The following MYO18B variants were observed in gnomAD, a reference collection of about 807,000 sequenced individuals.
MYO18B encodes the protein unconventional myosin-XVIIIb.
MYO18B carries 204 observed loss-of-function variants against 273.0 expected under a neutral mutation model. That is an observed-to-expected ratio of 0.75 (90% CI 0.67 to 0.84). The LOEUF (loss-of-function observed/expected upper bound fraction) is 0.84, where lower values mean the gene tolerates loss of function less well. MYO18B is among the 40% of genes least tolerant of loss of function. The pLI is 0.00. For synonymous variants in MYO18B, 1,330 were observed against 1,305.7 expected (o/e 1.02, Z -0.40); for missense variants, 3,212 against 3,287.6 (o/e 0.98, Z 0.56).
chr22:26,003,304 A>G lies in MYO18B; in HGVS notation c.6327A>G (p.Lys2109=), dbSNP rs1157158665. ...TAVDCGSSGR[K]EMDNVSILSS... is the part of the protein sequence containing the mutation. ...TGGATTGTGGCAGCAGCGGCCGAAA[A>G]GAGATGTAAGTTAACCCCAGGTAGA... The change falls in exon 41 of 44, where the codon AAA becomes AAG. Residue 2109 remains lysine (K), a synonymous_variant. Transcript: ENST00000335473. 2 of 1,606,660 alleles carry G rather than the reference A, an allele frequency of 1.2e-6. No homozygotes were observed. Among genetic ancestry groups the G allele is most frequent in the Non-Finnish European group, 1.7e-6 (2 of 1,176,738 alleles).
chr22:25,869,465 AAAAAAAAAGAAGGAAG>A (rs1363880971), intron 22 of MYO18B, among the ~76,000 whole-genome samples: 1 of 148,784 alleles, frequency 6.7e-6, no homozygotes. Context: ...AAAAAAAAAA[AAAAAAAAAGAAGGAAG>A]GAAGGAAGGA....
intron 34 of MYO18B, among the ~76,000 whole-genome samples, chr22:25,932,323 A>G (rs1433017799): frequency 6.6e-6 from 1 of 152,128 alleles, no homozygotes; most frequent in Admixed American, 6.6e-5. Context: ...ACAAAATTTA[A>G]TATTGATAAA....
At chr22:25,941,537 G>A (rs938433556) in intron 34 of MYO18B, among the ~76,000 whole-genome samples, 13 of 152,206 alleles carry the variant, frequency 8.5e-5, no homozygotes, top group African/African-American at 2.7e-4. Flanking sequence ...AACATGACTT[G>A]CCACCGACTT....
chr22:25,820,910 C>T (rs921738522), intron 12 of MYO18B, among the ~76,000 whole-genome samples: 46 of 152,212 alleles, frequency 3.0e-4, no homozygotes, highest in Middle Eastern at 3.4e-3. Flanking sequence ...TTAGCTTCCA[C>T]ATATGAATAA....
At chr22:25,852,478 C>A (rs960069959) in intron 21 of MYO18B, among the ~76,000 whole-genome samples, 1 of 152,136 alleles carries the variant, frequency 6.6e-6, no homozygotes, top group South Asian at 2.1e-4. Context: ...CCAACTACAC[C>A]GTAAACTCAT....
chr22:26,033,913 C>CT (rs1569316885), downstream of MYO18B, among the ~76,000 whole-genome samples: 2 of 144,024 alleles, frequency 1.4e-5, no homozygotes, highest in African/African-American at 2.6e-5. Flanking sequence ...CCCTTCCTTC[C>CT]TTCTTTCCTT....
At chr22:26,045,873 G>A in the MYO18B span, among the ~76,000 whole-genome samples, 12 of 152,188 alleles carry the variant, frequency 7.9e-5, no homozygotes, top group Non-Finnish European at 1.8e-4. Context: ...AGTTACCCGT[G>A]TATACCACTG....
At chr22:26,036,454 G>A in the MYO18B span, among the ~76,000 whole-genome samples, 42 of 152,114 alleles carry the variant, frequency 2.8e-4, no homozygotes, top group African/African-American at 9.7e-4. Flanking sequence ...TCCTATCCAT[G>A]TGTTCTATAT....
the MYO18B span, among the ~76,000 whole-genome samples, chr22:26,057,459 C>T: frequency 6.6e-6 from 1 of 151,436 alleles, no homozygotes; most frequent in Non-Finnish European, 1.5e-5. Flanking sequence ...GAAACAGAGG[C>T]ACAGAGGAGT....
downstream of MYO18B, among the ~76,000 whole-genome samples, chr22:26,032,091 C>A (rs949332856): frequency 6.6e-6 from 1 of 152,230 alleles, no homozygotes; most frequent in Non-Finnish European, 1.5e-5. Flanking sequence ...GCAGTGAAAT[C>A]CATCAAGTCA....
chr22:25,852,068 C>G (rs2090442887), intron 21 of MYO18B, among the ~76,000 whole-genome samples: 1 of 152,182 alleles, frequency 6.6e-6, no homozygotes, highest in Non-Finnish European at 1.5e-5. Context: ...GTGTTCCATT[C>G]AGCACCAGCA....
Position 25,772,562 on chromosome 22 carries a change from T to TG in MYO18B, c.1869+58dup, listed in dbSNP as rs59759647. ...CTGAGGGGCTGAGGGCAGGGGGGCC[T>TG]GGGGGGATCCCTCTGCATCTGAGGT... On this transcript the variant is annotated intron_variant, in intron 7 of 43. Coordinates refer to ENST00000335473, the MANE Select transcript of MYO18B (RefSeq NM_032608.7). 3,404 of 1,538,528 alleles carry TG rather than the reference T, an allele frequency of 2.2e-3. 74 individuals carry two copies. In the African/African-American group the frequency reaches 0.04, roughly 18 times the overall value.
At chr22:25,876,068 C>G in intron 23 of MYO18B, 121 bp from the exon 24 acceptor site, 1 of 704,726 alleles carries the variant, frequency 1.4e-6, no homozygotes. Context: ...GTATCCAGTC[C>G]CTTCCACCGG....
intron 1 of MYO18B, among the ~76,000 whole-genome samples, chr22:25,754,154 G>A (rs2086034674): frequency 1.3e-5 from 2 of 152,210 alleles, no homozygotes. Context: ...GAGGAGTAGG[G>A]TGGGATTGGG....
chr22:25,918,657 G>A (rs918861548), intron 33 of MYO18B, among the ~76,000 whole-genome samples: 9 of 152,172 alleles, frequency 5.9e-5, no homozygotes, highest in East Asian at 1.9e-4. Flanking sequence ...AGTGAAGATC[G>A]TAGAATCTGA....
At chr22:25,751,008 C>T (rs891464493) in intron 1 of MYO18B, among the ~76,000 whole-genome samples, 1 of 152,152 alleles carries the variant, frequency 6.6e-6, no homozygotes, top group African/African-American at 2.4e-5. Context: ...ACGAATCAGC[C>T]CCACCACCTC....
At chr22:25,812,565 C>T (rs1224376357) in intron 12 of MYO18B, among the ~76,000 whole-genome samples, 1 of 152,180 alleles carries the variant, frequency 6.6e-6, no homozygotes, top group African/African-American at 2.4e-5. Context: ...GTGGTGGAGT[C>T]AGGAGAAGCG....
chr22:26,060,325 T>C, the MYO18B span, among the ~76,000 whole-genome samples: 1 of 152,224 alleles, frequency 6.6e-6, no homozygotes, highest in African/African-American at 2.4e-5. Flanking sequence ...ACCTGGCTCT[T>C]TATAGGAAAA....
At chr22:25,785,146 T>G (rs1378060262) in intron 10 of MYO18B, among the ~76,000 whole-genome samples, 1 of 152,242 alleles carries the variant, frequency 6.6e-6, no homozygotes, top group East Asian at 1.9e-4. Flanking sequence ...CTCAGCTGAT[T>G]AGAAGATCTG....
Sources: gnomAD v4.1 joint callset for allele counts (sites outside exome capture counted in the v4.1 genomes callset) on GRCh38, gnomAD v4.1.1 for gene constraint, MANE v1.5 for transcripts, NCBI Gene and HGNC (gene_info 2026-07-23, HGNC 2026-07-21) for gene names.